The following RGPD3 variants were observed in gnomAD, a reference collection of about 807,000 sequenced individuals.
RGPD3 encodes RANBP2 like and GRIP domain containing 3.
RGPD3 carries 62 observed loss-of-function variants against 154.5 expected under a neutral mutation model. The ratio of observed to expected loss-of-function variants is 0.40; its 90% CI spans 0.33 to 0.50. The LOEUF (loss-of-function observed/expected upper bound fraction) is 0.50. RGPD3 is among the 20% of genes least tolerant of loss of function. The pLI is 0.59. For synonymous variants in RGPD3, 308 were observed against 607.0 expected, an observed-to-expected ratio of 0.51 and a Z score of 7.24; for missense variants, 919 against 1,716.8, an observed-to-expected ratio of 0.54 and a Z score of 8.21.
intron 19 of RGPD3, 145 bp from the exon 20 acceptor site, chr2:106,425,411 A>G: frequency 8.4e-7 from 1 of 1,187,086 alleles, no homozygotes; most frequent in Non-Finnish European, 1.2e-6. Context: ...TTGAGCATTT[A>G]TTAATGTGCC....
chr2:106,444,888 G>A lies in RGPD3; in HGVS notation c.978+2530C>T, dbSNP rs868057382. On this transcript the variant is annotated intron_variant, in intron 7 of 22. Transcript: ENST00000409886. ...ATAATCCCAGCACTCTGGGAAGCTC[G>A]AGCCCAGTTCAATGTTACGGTGAGC... Among the ~76,000 whole-genome samples, 34 of 122,692 alleles carry A rather than the reference G, an allele frequency of 2.8e-4. No individual in the cohort carries two copies. The South Asian group carries it at 8.2e-3, about 29-fold the overall frequency. The allele number at this position is 122,692 out of a possible 152,430, so 80.5% of individuals were successfully genotyped here. A position where few individuals can be genotyped will look rare whatever the true frequency, so the allele number is the denominator to read the frequency against.
intron 1 of RGPD3, among the ~76,000 whole-genome samples, chr2:106,467,194 GCGC>G (rs1446176333): frequency 0.02 from 20 of 976 alleles, no homozygotes; most frequent in East Asian, 0.1. Flanking sequence ...CCTCAACAGA[GCGC>G]GCCAGGGAGC....
chr2:106,447,937 T>C (rs1460652604), intron 6 of RGPD3, among the ~76,000 whole-genome samples: 1 of 151,830 alleles, frequency 6.6e-6, no homozygotes, highest in East Asian at 1.9e-4. Flanking sequence ...TGGGAGACTA[T>C]TTTGTAGTTT....
intron 21 of RGPD3, among the ~76,000 whole-genome samples, chr2:106,414,619 CA>C (rs71274726): frequency 1.6e-4 from 22 of 136,560 alleles, no homozygotes; most frequent in Non-Finnish European, 1.6e-4. Context: ...GAGACTATCT[CA>C]AAAAAAAAAA....
chr2:106,450,655 G>A (rs551635186), intron 6 of RGPD3, among the ~76,000 whole-genome samples: 25 of 89,124 alleles, frequency 2.8e-4, no homozygotes, highest in African/African-American at 1.1e-3. Context: ...GCAGTGAGCC[G>A]AGATTGCGCC....
chr2:106,441,550 C>A (rs1218467865), intron 7 of RGPD3, among the ~76,000 whole-genome samples, 170 bp from the exon 8 acceptor site: 1 of 151,600 alleles, frequency 6.6e-6, no homozygotes, highest in African/African-American at 2.4e-5. Context: ...ATTTGTATAA[C>A]CTATGAAAGA....
chr2:106,427,076 A>C (rs1397070784), intron 18 of RGPD3, among the ~76,000 whole-genome samples: 1 of 151,390 alleles, frequency 6.6e-6, no homozygotes, highest in East Asian at 1.9e-4. Context: ...AATAAAAAAA[A>C]AATCTTAGTC....
chr2:106,421,588 T>C (rs1486124881), intron 20 of RGPD3, among the ~76,000 whole-genome samples: 1 of 151,754 alleles, frequency 6.6e-6, no homozygotes, highest in Non-Finnish European at 1.5e-5. Flanking sequence ...TGTTCCACTC[T>C]AGTAGCCACA....
At position 106,424,754 on chromosome 2, in the gene RGPD3, A is replaced by G; in HGVS notation, c.3213T>C (p.Asp1071=). 1 of 1,611,936 alleles carries G rather than the reference A, an allele frequency of 6.2e-7. No individual in the cohort carries two copies. The highest frequency in any genetic ancestry group is 8.5e-7 in the Non-Finnish European group (1 of 1,179,842). ...TTTCTTTCCACTGACTTACCTCAGC[A>G]TCAAATCTAAATAGTTTTACCCCCT... ...YSQGVKLFRF[D]AEVSQWKERG... Residue 1071 remains aspartate (D), a synonymous_variant, in exon 20 of 23, where the codon GAT becomes GAC. Transcript: ENST00000409886.
rs1676450618 is a variant in RGPD3, at chr2:106,404,562, TCAA to T, written c.*654_*656del. 2.3e-5 allele frequency among the ~76,000 whole-genome samples: 3 copies of T among 127,832 alleles called. No individual in the cohort carries two copies. The South Asian group carries it at 8.0e-4, about 34-fold the overall frequency. The allele number at this position is 127,832 out of a possible 152,430, so 83.9% of individuals were successfully genotyped here. ...TTCATATTCTAATCACAAAAATTTC[TCAA>T]CAATTTATAACAATCTGTAAATCTG... On this transcript the variant is annotated 3_prime_UTR_variant, in exon 23 of 23. Coordinates refer to ENST00000409886, the MANE Select transcript of RGPD3 (RefSeq NM_001144013.2).
intron 1 of RGPD3, among the ~76,000 whole-genome samples, chr2:106,466,170 C>A (rs1475653788): frequency 2.0e-5 from 3 of 151,312 alleles, no homozygotes; most frequent in African/African-American, 4.9e-5. Flanking sequence ...GAACAAGCGT[C>A]GGGAACAAGC....
intron 20 of RGPD3, among the ~76,000 whole-genome samples, chr2:106,421,766 G>T (rs1305090926): frequency 1.1e-4 from 17 of 151,500 alleles, no homozygotes; most frequent in African/African-American, 4.1e-4. Context: ...CACTACATGT[G>T]AATACTGGCA....
At chr2:106,441,812 C>T (rs1401790734) in intron 7 of RGPD3, among the ~76,000 whole-genome samples, 2 of 133,766 alleles carry the variant, frequency 1.5e-5, no homozygotes, top group Non-Finnish European at 3.0e-5. Flanking sequence ...TGTAGTGCGC[C>T]GAGACTGTGC....
intron 20 of RGPD3, among the ~76,000 whole-genome samples, chr2:106,417,943 A>G (rs1403803396): frequency 6.7e-6 from 1 of 149,704 alleles, no homozygotes; most frequent in Non-Finnish European, 1.5e-5. Context: ...AGCCTGGCCA[A>G]GATGGTGAAA....
chr2:106,412,737 A>G (rs992385402), intron 22 of RGPD3: 137 of 478,536 alleles, frequency 2.9e-4, no homozygotes, highest in Non-Finnish European at 4.8e-4. Flanking sequence ...TGAAGTAGAA[A>G]AGGAACAAGC....
chr2:106,417,919 G>A (rs1370904800), intron 20 of RGPD3, among the ~76,000 whole-genome samples: 7 of 149,970 alleles, frequency 4.7e-5, no homozygotes, highest in East Asian at 2.2e-4. Flanking sequence ...CACGAGGTCA[G>A]CAAGTTCAAG....
At chr2:106,422,397 G>T in intron 20 of RGPD3, among the ~76,000 whole-genome samples, 1 of 130,264 alleles carries the variant, frequency 7.7e-6, no homozygotes, top group Non-Finnish European at 1.6e-5. Flanking sequence ...TTTTTTTGGA[G>T]ACAAAGTCTC....
intron 22 of RGPD3, among the ~76,000 whole-genome samples, chr2:106,411,748 G>A (rs1490061956): frequency 1.3e-5 from 2 of 152,112 alleles, no homozygotes; most frequent in Non-Finnish European, 2.9e-5. Flanking sequence ...AATCTGGGAG[G>A]AGGAGGTTGC....
At chr2:106,419,354 AGATACTGG>A (rs1361603172) in intron 20 of RGPD3, among the ~76,000 whole-genome samples, 1 of 148,004 alleles carries the variant, frequency 6.8e-6, no homozygotes, top group Non-Finnish European at 1.5e-5. Flanking sequence ...GCAGAATGGA[AGATACTGG>A]GTACGGCTGA....
Sources: gnomAD v4.1 joint callset for allele counts (sites outside exome capture counted in the v4.1 genomes callset) on GRCh38, gnomAD v4.1.1 for gene constraint, MANE v1.5 for transcripts, NCBI Gene and HGNC (gene_info 2026-07-23, HGNC 2026-07-21) for gene names.